PDIA5: variants seen among roughly 807,000 people sequenced by gnomAD.
PDIA5 encodes protein disulfide isomerase family A member 5, also known as protein disulfide-isomerase A5.
Under a neutral mutation model 77.6 loss-of-function variants are expected in PDIA5, and 58 were observed. That is an observed-to-expected ratio of 0.75 (90% CI 0.61 to 0.93). The LOEUF (loss-of-function observed/expected upper bound fraction) is 0.93, where lower values mean the gene tolerates loss of function less well. Ranked by LOEUF, PDIA5 falls within the 40% of genes least tolerant of loss-of-function variation. PDIA5 has a pLI of 0.00. For missense variants in PDIA5, 630 were observed against 647.7 expected, an observed-to-expected ratio of 0.97 and a Z score of 0.30; for synonymous variants, 250 against 252.1, an observed-to-expected ratio of 0.99 and a Z score of 0.08.
At chr3:123,082,608 C>A (rs1255234212) in intron 1 of PDIA5, among the ~76,000 whole-genome samples, 2 of 152,074 alleles carry the variant, frequency 1.3e-5, no homozygotes, top group Non-Finnish European at 2.9e-5. Flanking sequence ...TGCTGCCCTG[C>A]CTGATTGCAG....
intron 14 of PDIA5, among the ~76,000 whole-genome samples, chr3:123,154,487 A>G (rs913906111): frequency 6.6e-6 from 1 of 152,178 alleles, no homozygotes; most frequent in Non-Finnish European, 1.5e-5. Flanking sequence ...GCAGCAAATC[A>G]TGAGCAGTGG....
chr3:123,158,215 G>A (rs1162127344), intron 15 of PDIA5, among the ~76,000 whole-genome samples: 2 of 152,236 alleles, frequency 1.3e-5, no homozygotes, highest in African/African-American at 4.8e-5. Context: ...TCCACTGAAA[G>A]CATTTCTTAC....
intron 1 of PDIA5, among the ~76,000 whole-genome samples, chr3:123,076,311 C>T (rs1336913190): frequency 6.6e-6 from 1 of 152,102 alleles, no homozygotes; most frequent in Admixed American, 6.6e-5. Context: ...CCTCAGTTTT[C>T]ACATCTCTAA....
rs149266035 is a variant in PDIA5, at chr3:123,146,142, C to G, written c.1025C>G (p.Ala342Gly). ...GCTGTCGATGCCACTGTCAACAAGG[C>G]CCTGGCAGAAAGATTCCACATCTCA... is the stretch of plus-strand genomic sequence containing the variant. The part of the protein sequence containing the change: ...LAAVDATVNK[A>G]LAERFHISEF... Residue 342 changes from alanine to glycine, a missense_variant, in exon 13 of 17, where the codon GCC (alanine) becomes GGC (glycine). Transcript: ENST00000316218. The G allele has an allele frequency of 5.0e-6, 8 of 1,614,148 alleles. No homozygotes were observed. In the East Asian group the frequency reaches 1.8e-4, roughly 36 times the overall value.
At position 123,154,500 on chromosome 3, in the gene PDIA5, G is replaced by A. The variant is rs930371455; in HGVS notation, c.1274-471G>A. Among the ~76,000 whole-genome samples the A allele has an allele frequency of 2.6e-5, 4 of 152,192 alleles. No homozygotes were observed. The South Asian group carries it at 6.2e-4, about 24-fold the overall frequency. On this transcript the variant is annotated intron_variant, in intron 14 of 16. Coordinates refer to ENST00000316218, the MANE Select transcript of PDIA5 (RefSeq NM_006810.4). ...TAGCAGCAAATCATGAGCAGTGGGT[G>A]CAGAGTAGTTGCCCCAAAATCCCCC...
intron 1 of PDIA5, among the ~76,000 whole-genome samples, chr3:123,074,970 A>G (rs1286183711): frequency 6.6e-6 from 1 of 152,136 alleles, no homozygotes; most frequent in East Asian, 1.9e-4. Flanking sequence ...TCTGTTTATT[A>G]TTTTTTATGG....
intron 1 of PDIA5, among the ~76,000 whole-genome samples, chr3:123,072,126 G>A (rs578036133): frequency 6.6e-6 from 1 of 152,040 alleles, no homozygotes; most frequent in Non-Finnish European, 1.5e-5. Flanking sequence ...TTGGGTGGGA[G>A]GGGGAGAGAC....
In PDIA5 at chr3:123,124,312, A is replaced by G. The variant is rs563295889; in HGVS notation, c.742A>G (p.Thr248Ala). ...GTTCCAGTATGACAACTATGGGTCC[A>G]CAGCTGAGGACATTGTGGAGTGGCT... is the stretch of plus-strand genomic sequence containing the variant. The part of the protein sequence containing the change: ...FLFQYDNYGS[T>A]AEDIVEWLKN... Residue 248 changes from threonine (T) to alanine (A), a missense_variant, in exon 10 of 17, where the codon ACA becomes GCA. By Grantham distance (58) the Thr-to-Ala change is moderately conservative. Transcript: ENST00000316218. 1.2e-4 allele frequency: 197 copies of G among 1,613,628 alleles called. No homozygotes were observed. The highest frequency in any genetic ancestry group is 1.6e-4 in the Non-Finnish European group (187 of 1,179,622).
chr3:123,089,182 A>T lies in PDIA5; in HGVS notation c.57A>T (p.Ser19=), dbSNP rs1187487728. 1 of 1,613,660 alleles carries T rather than the reference A, an allele frequency of 6.2e-7. No individual in the cohort carries two copies. Among genetic ancestry groups the T allele is most frequent in the Non-Finnish European group, 8.5e-7 (1 of 1,179,742 alleles). Residue 19 remains serine (S), a synonymous_variant, in exon 2 of 17, where the codon TCA becomes TCT. Coordinates refer to ENST00000316218, the MANE Select transcript of PDIA5 (RefSeq NM_006810.4). ...LLLAIWVVLP[S]WLSSAKVSSL... The stretch of plus-strand genomic sequence containing the variant: ...TTGATCCCCAGGTGGTCCTGCCATC[A>T]TGGCTGTCCTCTGCAAAGGTCTCCT...
chr3:123,154,281 G>A (rs1015208728), intron 14 of PDIA5, among the ~76,000 whole-genome samples: 2 of 152,194 alleles, frequency 1.3e-5, no homozygotes, highest in African/African-American at 2.4e-5. Flanking sequence ...GGGACAGGGA[G>A]CATCAAGGGA....
At chr3:123,071,347 T>TCTGCCC (rs1933718356) in intron 1 of PDIA5, among the ~76,000 whole-genome samples, 1 of 152,166 alleles carries the variant, frequency 6.6e-6, no homozygotes, top group South Asian at 2.1e-4. Flanking sequence ...CTTCTCTGCC[T>TCTGCCC]CTGCCCCTGA....
chr3:123,116,344 T>C, intron 8 of PDIA5, 46 bp downstream of exon 8: 1 of 1,526,746 alleles, frequency 6.5e-7, no homozygotes, highest in Non-Finnish European at 9.0e-7. Flanking sequence ...ACTCTTGGAC[T>C]TGGCGGAGGA....
intron 8 of PDIA5, among the ~76,000 whole-genome samples, chr3:123,121,029 G>A (rs3792366): frequency 0.52 from 79,805 of 152,060 alleles, 21,707 homozygotes; most frequent in Non-Finnish European, 0.59. Flanking sequence ...GGAGCTCTCC[G>A]TCACTTCCTG....
chr3:123,077,377 T>C (rs1015666329), intron 1 of PDIA5, among the ~76,000 whole-genome samples: 3 of 152,234 alleles, frequency 2.0e-5, no homozygotes, highest in Non-Finnish European at 4.4e-5. Flanking sequence ...ATTGTTATCA[T>C]GGGCTAATCC....
chr3:123,098,991 C>T (rs1934514216), intron 3 of PDIA5, among the ~76,000 whole-genome samples: 1 of 152,182 alleles, frequency 6.6e-6, no homozygotes, highest in Non-Finnish European at 1.5e-5. Flanking sequence ...TAATTTTCTC[C>T]CATACTTGAA....
chr3:123,117,140 T>A (rs1935015107), intron 8 of PDIA5, among the ~76,000 whole-genome samples: 1 of 151,886 alleles, frequency 6.6e-6, no homozygotes, highest in East Asian at 1.9e-4. Context: ...CTCTGCCTTG[T>A]GTCTATTATT....
At position 123,161,566 on chromosome 3, in the gene PDIA5, C is replaced by T. The variant is rs567208307; in HGVS notation, c.1479+111C>T. 21 of 1,189,660 alleles carry T rather than the reference C, an allele frequency of 1.8e-5. No individual in the cohort carries two copies. The African/African-American group carries it at 2.7e-4, about 15-fold the overall frequency. 73.7% of individuals were successfully genotyped at this position (1,189,660 alleles called of 1,614,324 possible). ...GCATCCCAGAAACTGCAGAAGTCAG[C>T]TGGAACACTGCACCGAGAGGCCCAG... On this transcript the variant is annotated intron_variant, in intron 16 of 16. Coordinates refer to ENST00000316218, the MANE Select transcript of PDIA5 (RefSeq NM_006810.4).
chr3:123,082,779 G>A (rs956531686), intron 1 of PDIA5, among the ~76,000 whole-genome samples: 1 of 152,150 alleles, frequency 6.6e-6, no homozygotes, highest in Non-Finnish European at 1.5e-5. Context: ...GTAGTCCTGA[G>A]CCACTCTGCA....
Position 123,135,813 on chromosome 3 carries a change from T to G in PDIA5, c.910+5197T>G, listed in dbSNP as rs553372055. 2.0e-5 allele frequency among the ~76,000 whole-genome samples: 3 copies of G among 149,974 alleles called. No individual in the cohort carries two copies. The East Asian group carries it at 5.8e-4, about 29-fold the overall frequency. On this transcript the variant is annotated intron_variant, in intron 11 of 16. Transcript: ENST00000316218. ...GCTAGTCTTTTTCATTTTTTTGGTC[T>G]TATTTTTAACTTTTATTTTTTAAAA...
Sources: gnomAD v4.1 joint callset for allele counts (sites outside exome capture counted in the v4.1 genomes callset) on GRCh38, gnomAD v4.1.1 for gene constraint, MANE v1.5 for transcripts, NCBI Gene and HGNC (gene_info 2026-07-23, HGNC 2026-07-21) for gene names.